The following PDE4C variants were observed in gnomAD, a reference collection of about 807,000 sequenced individuals.
PDE4C encodes phosphodiesterase 4C.
A neutral mutation model predicts 63.9 loss-of-function variants in PDE4C; 50 were observed. That is an observed-to-expected ratio of 0.78 (90% CI 0.62 to 0.99). The LOEUF (loss-of-function observed/expected upper bound fraction) is 0.99, where lower values mean the gene tolerates loss of function less well. Among genes scored for constraint, PDE4C ranks in the 50% least tolerant of loss-of-function variants. The pLI is 0.00. For missense variants in PDE4C, 777 were observed against 899.1 expected (o/e 0.86, Z 1.74); for synonymous variants, 377 against 385.1 (o/e 0.98, Z 0.25).
At chr19:18,255,156 G>T in the PDE4C span, 1 of 398,196 alleles carries the variant, frequency 2.5e-6, no homozygotes, top group Non-Finnish European at 4.4e-6. The surrounding 1 kb of genome is among the most constrained non-coding windows in gnomAD (Gnocchi z 4.6). Flanking sequence ...GTGTGACTGG[G>T]CTGTGCGTCC....
chr19:18,212,579 A>G (rs1968004187), intron 13 of PDE4C, among the ~76,000 whole-genome samples: 1 of 151,916 alleles, frequency 6.6e-6, no homozygotes, highest in Non-Finnish European at 1.5e-5. Flanking sequence ...GCCTCAAGCA[A>G]TCCTCACACC....
chr19:18,245,558 G>C (rs1969114956), intron 1 of PDE4C, among the ~76,000 whole-genome samples: 1 of 152,240 alleles, frequency 6.6e-6, no homozygotes. Context: ...ATGGCCAGCT[G>C]CTTGTTTCCA....
intron 7 of PDE4C, 102 bp from the exon 8 acceptor site, chr19:18,219,499 C>G (rs1568667679): frequency 7.5e-7 from 1 of 1,331,398 alleles, no homozygotes. Flanking sequence ...ACCTATTTCC[C>G]TTTCTACAGG....
upstream of PDE4C, among the ~76,000 whole-genome samples, chr19:18,251,773 A>C (rs1457745044): frequency 1.5e-5 from 2 of 137,438 alleles, no homozygotes; most frequent in African/African-American, 5.2e-5. Context: ...TTTTTTGTAG[A>C]GACAAAGTCC....
intron 1 of PDE4C, among the ~76,000 whole-genome samples, chr19:18,240,815 G>A (rs1969023505): frequency 6.6e-6 from 1 of 152,216 alleles, no homozygotes; most frequent in African/African-American, 2.4e-5. Flanking sequence ...AGAGGGTGCG[G>A]AGAACGGATG....
chr19:18,214,342 T>A (rs1968098267), intron 12 of PDE4C, among the ~76,000 whole-genome samples: 1 of 151,790 alleles, frequency 6.6e-6, no homozygotes, highest in African/African-American at 2.4e-5. Context: ...CAGGGCTGGT[T>A]AGGGGCTAGG....
chr19:18,255,200 GCCTCTTTACCAGCTCTTAC>G, the PDE4C span: 1 of 395,352 alleles, frequency 2.5e-6, no homozygotes, highest in Non-Finnish European at 4.4e-6. This position sits in a 1 kb window ranked among gnomAD's most constrained non-coding sequence, Gnocchi z 4.6. Context: ...TGGAAGCTGA[GCCTCTTTACCAGCTCTTAC>G]CTGTAAAGGG....
chr19:18,233,715 TG>T (rs1968900198), upstream of PDE4C: 1 of 344,388 alleles, frequency 2.9e-6, no homozygotes, highest in Non-Finnish European at 5.7e-6. Context: ...GTCCGCGACC[TG>T]ATGGTGCTGA....
rs991832331 is a variant in PDE4C, at chr19:18,221,049, T to C, written c.449+56A>G. ...CCCAGCCTCAATTTGCAGCCCGCTT[T>C]CCGCCCACCTTGTCTCTGCCGGCCC... On this transcript the variant is annotated intron_variant, in intron 4 of 14. Coordinates refer to ENST00000262805, the Ensembl canonical transcript of PDE4C. 11 of 1,241,012 alleles carry C rather than the reference T, an allele frequency of 8.9e-6. 1 individual carries two copies. Among genetic ancestry groups the C allele is most frequent in the South Asian group, 6.3e-5 (5 of 79,734 alleles). The allele number at this position is 1,241,012 out of a possible 1,614,324, so 76.9% of individuals were successfully genotyped here. A position where few individuals can be genotyped will look rare whatever the true frequency, so the allele number is the denominator to read the frequency against.
intron 1 of PDE4C, among the ~76,000 whole-genome samples, chr19:18,231,517 C>T (rs912422525): frequency 2.0e-5 from 3 of 152,214 alleles, no homozygotes; most frequent in Non-Finnish European, 4.4e-5. Flanking sequence ...GAACCATCTA[C>T]CCCAGATGCC....
upstream of PDE4C, among the ~76,000 whole-genome samples, chr19:18,236,338 C>T (rs1230495142): frequency 6.6e-6 from 1 of 151,922 alleles, no homozygotes; most frequent in Non-Finnish European, 1.5e-5. Flanking sequence ...CTCCCAGGTT[C>T]AAACAATTCT....
rs888202506 is a variant in PDE4C at position 18,220,149 on chromosome 19, G to A, written c.706+77C>T. The stretch of plus-strand genomic sequence containing the variant: ...TCTGGCTGTATCTCCCCCAGACTGA[G>A]GTCTATCATAGGAATCTTTCTTTTG... On this transcript the variant is annotated intron_variant, in intron 7 of 14. Coordinates refer to ENST00000262805, the Ensembl canonical transcript of PDE4C. This position sits in a 1 kb window ranked among gnomAD's most constrained non-coding sequence, Gnocchi z 5.1. The A allele has an allele frequency of 2.6e-6, 3 of 1,151,276 alleles. No individual in the cohort carries two copies. Among genetic ancestry groups the A allele is most frequent in the Admixed American group, 1.7e-5 (1 of 58,708 alleles). 71.3% of individuals were successfully genotyped at this position (1,151,276 alleles called of 1,614,324 possible).
exon 15 of PDE4C, chr19:18,210,586 G>A: frequency 4.9e-6 from 1 of 204,416 alleles, no homozygotes; most frequent in East Asian, 1.1e-4. Flanking sequence ...ATAATTAAGT[G>A]ACAGATGTGA....
In PDE4C at chr19:18,224,596, G is replaced by A. The variant is rs183623357; in HGVS notation, c.146+1674C>T. 26 of 815,552 alleles carry A rather than the reference G, an allele frequency of 3.2e-5. No individual in the cohort carries two copies. In the African/African-American group the frequency reaches 4.5e-4, roughly 14 times the overall value. The allele number at this position is 815,552 out of a possible 1,614,324, so 50.5% of individuals were successfully genotyped here. A position where few individuals can be genotyped will look rare whatever the true frequency, so the allele number is the denominator to read the frequency against. The stretch of plus-strand genomic sequence containing the variant: ...GATAAGTTCGAGCTTGTTCGCCTAA[G>A]TCCGGTTACGCTCGGTCTGCTTCGA... On this transcript the variant is annotated intron_variant, in intron 1 of 14. Coordinates refer to ENST00000262805, the Ensembl canonical transcript of PDE4C.
intron 11 of PDE4C, chr19:18,217,157 T>C: frequency 3.0e-6 from 1 of 331,868 alleles, no homozygotes; most frequent in Non-Finnish European, 5.4e-6. Context: ...TACTCAGTAA[T>C]GTTTTTTTTT....
At chr19:18,234,413 A>G (rs1968914430), upstream of PDE4C, among the ~76,000 whole-genome samples, 1 of 152,138 alleles carries the variant, frequency 6.6e-6, no homozygotes, top group South Asian at 2.1e-4. Context: ...CTGGAAACTC[A>G]AGTCTCCACC....
chr19:18,227,521 G>A (rs978168709), upstream of PDE4C, among the ~76,000 whole-genome samples: 3 of 152,260 alleles, frequency 2.0e-5, no homozygotes, highest in East Asian at 1.9e-4. Flanking sequence ...GACTGGGGGG[G>A]GCCTCTGGTG....
intron 13 of PDE4C, among the ~76,000 whole-genome samples, chr19:18,212,537 C>T (rs994487511): frequency 2.0e-5 from 3 of 147,980 alleles, no homozygotes; most frequent in African/African-American, 7.5e-5. Flanking sequence ...TGCAATGGTG[C>T]AATCACAGCT....
In PDE4C at chr19:18,218,413, T is replaced by C. The variant is rs113176090; in HGVS notation, c.1055A>G (p.Asn352Ser). The change falls in exon 10 of 15, where the codon AAT (asparagine) becomes AGT (serine). Residue 352 changes from asparagine to serine, a missense_variant. By Grantham distance (46) the Asn-to-Ser change is conservative (BLOSUM62 1). This residue lies in a region of PDE4C where 500 missense variants were observed against 597.8 expected (regional missense o/e 0.84). Transcript: ENST00000262805. ...ATGTAGGCTGTTGTGGTAGGCCACA[T>C]TGGCGTGGTAGTGACCTTCCAGCAT... The C allele has an allele frequency of 1.2e-4, 199 of 1,614,236 alleles. 4 individuals are homozygous for C. The highest frequency in any genetic ancestry group is 1.2e-3 in the African/African-American group (87 of 75,076).
Sources: gnomAD v4.1 joint callset for allele counts (sites outside exome capture counted in the v4.1 genomes callset) on GRCh38, gnomAD v4.1.1 for gene constraint, gnomAD v4.1.1 regional missense constraint, Gnocchi (gnomAD v3.1) non-coding constraint, MANE v1.5 for transcripts, NCBI Gene and HGNC (gene_info 2026-07-23, HGNC 2026-07-21) for gene names.